FMNL2: variants seen among roughly 807,000 people sequenced by gnomAD.
The protein encoded by FMNL2 is formin-like protein 2.
Under a neutral mutation model 130.2 loss-of-function variants are expected in FMNL2, and 51 were observed. That is an observed-to-expected ratio of 0.39 (90% CI 0.31 to 0.49). FMNL2 has a LOEUF of 0.49. Ranked by LOEUF, FMNL2 falls within the 20% of genes least tolerant of loss-of-function variation. The pLI, the probability that FMNL2 is intolerant of heterozygous loss-of-function variation, is 0.85. For missense variants in FMNL2, 977 were observed against 1,316.2 expected (o/e 0.74, Z 3.99); for synonymous variants, 465 against 467.1 (o/e 1.00, Z 0.06).
chr2:152,392,119 T>C (rs1483887238), intron 1 of FMNL2, among the ~76,000 whole-genome samples: 1 of 152,130 alleles, frequency 6.6e-6, no homozygotes, highest in Non-Finnish European at 1.5e-5. Context: ...ATGGTAGCTA[T>C]TTGCCTAATA....
chr2:152,580,601 T>G lies in FMNL2; in HGVS notation c.783-355T>G, dbSNP rs925199902. Among the ~76,000 whole-genome samples, 4 of 152,364 alleles carry G rather than the reference T, an allele frequency of 2.6e-5. No homozygotes were observed. In the South Asian group the frequency reaches 8.3e-4, roughly 32 times the overall value. The stretch of plus-strand genomic sequence containing the variant: ...CAAATACTTAATCAATAGTTTGTTT[T>G]TCAGCATATTCCCATTCCCTTTGTT... On this transcript the variant is annotated intron_variant, in intron 8 of 25. Transcript: ENST00000288670.
At chr2:152,582,698 G>A (rs1250876624) in intron 9 of FMNL2, among the ~76,000 whole-genome samples, 3 of 152,104 alleles carry the variant, frequency 2.0e-5, no homozygotes, top group African/African-American at 4.8e-5. Flanking sequence ...TTATAAATAA[G>A]GAAGTATGTT....
At chr2:152,497,085 A>G (rs1040230809) in intron 1 of FMNL2, among the ~76,000 whole-genome samples, 1 of 152,184 alleles carries the variant, frequency 6.6e-6, no homozygotes, top group Non-Finnish European at 1.5e-5. Flanking sequence ...GTATATGTGT[A>G]TACATATACA....
At chr2:152,611,317 C>A (rs577059645) in intron 10 of FMNL2, among the ~76,000 whole-genome samples, 178 bp from the exon 11 acceptor site, 1 of 151,950 alleles carries the variant, frequency 6.6e-6, no homozygotes, top group East Asian at 1.9e-4. Flanking sequence ...CCAGTCTGGG[C>A]GACAGAGCAA....
chr2:152,595,789 A>G (rs997190833), intron 9 of FMNL2, among the ~76,000 whole-genome samples: 1 of 152,048 alleles, frequency 6.6e-6, no homozygotes. Context: ...TTGAAATCTA[A>G]CATTCACCTG....
chr2:152,490,837 G>A (rs768136814), intron 1 of FMNL2, among the ~76,000 whole-genome samples: 3 of 152,116 alleles, frequency 2.0e-5, no homozygotes, highest in Admixed American at 6.5e-5. Context: ...TTACAGATGG[G>A]TGGGGATGGA....
chr2:152,493,582 C>T (rs905067158), intron 1 of FMNL2, among the ~76,000 whole-genome samples: 4 of 152,126 alleles, frequency 2.6e-5, no homozygotes, highest in African/African-American at 4.8e-5. Context: ...AATGAGTCTT[C>T]CTGGTGTTAT....
At chr2:152,479,726 T>G (rs1192763457) in intron 1 of FMNL2, among the ~76,000 whole-genome samples, 1 of 148,732 alleles carries the variant, frequency 6.7e-6, no homozygotes, top group Non-Finnish European at 1.5e-5. Context: ...TTGTTTTTTT[T>G]TTTTTTTTTT....
At chr2:152,347,032 A>G (rs1250195297) in intron 1 of FMNL2, among the ~76,000 whole-genome samples, 1 of 151,982 alleles carries the variant, frequency 6.6e-6, no homozygotes, top group Non-Finnish European at 1.5e-5. Context: ...CGGAGGTTGC[A>G]GTGAGCCGAG....
intron 1 of FMNL2, among the ~76,000 whole-genome samples, chr2:152,376,118 T>C (rs187866623): frequency 6.0e-4 from 92 of 152,150 alleles, no homozygotes; most frequent in African/African-American, 2.1e-3. Context: ...GGCCTTGAAC[T>C]CCTGGCCTCA....
intron 1 of FMNL2, among the ~76,000 whole-genome samples, chr2:152,498,958 G>A (rs1691663793): frequency 6.6e-6 from 1 of 152,110 alleles, no homozygotes; most frequent in Non-Finnish European, 1.5e-5. Flanking sequence ...AAACATAAAG[G>A]GCCTATGTGG....
chr2:152,373,512 A>G lies in FMNL2; in HGVS notation c.117+37792A>G, dbSNP rs553415177. ...GTCTCAGGACCTCCTGTGGATACCA[A>G]AATCCATGGGTGTTCAAGTCTCTGA... On this transcript the variant is annotated intron_variant, in intron 1 of 25. Coordinates refer to ENST00000288670, the MANE Select transcript of FMNL2 (RefSeq NM_052905.4). Among the ~76,000 whole-genome samples the G allele has an allele frequency of 3.5e-4, 53 of 152,310 alleles. No homozygotes were observed. The South Asian group carries it at 0.011, about 32-fold the overall frequency.
intron 7 of FMNL2, among the ~76,000 whole-genome samples, chr2:152,577,682 T>A (rs1055914574): frequency 3.3e-5 from 5 of 152,212 alleles, no homozygotes; most frequent in South Asian, 2.1e-4. Flanking sequence ...TATTCAGCTC[T>A]GTTAGATGCT....
intron 9 of FMNL2, among the ~76,000 whole-genome samples, chr2:152,595,712 G>A (rs542781271): frequency 2.0e-5 from 3 of 152,154 alleles, no homozygotes; most frequent in African/African-American, 4.8e-5. Context: ...TTTGAGGAAT[G>A]TGTGTTCTAT....
intron 1 of FMNL2, among the ~76,000 whole-genome samples, chr2:152,446,204 A>G (rs1250897251): frequency 6.6e-6 from 1 of 152,216 alleles, no homozygotes; most frequent in Non-Finnish European, 1.5e-5. Context: ...GACTGTCCCT[A>G]AAATCATTTT....
intron 1 of FMNL2, among the ~76,000 whole-genome samples, chr2:152,497,489 T>C (rs1483717015): frequency 6.6e-6 from 1 of 152,200 alleles, no homozygotes; most frequent in Non-Finnish European, 1.5e-5. Flanking sequence ...TTGTCACAGT[T>C]CTAAGACTTA....
At chr2:152,428,941 CACTT>C (rs934893023) in intron 1 of FMNL2, among the ~76,000 whole-genome samples, 5 of 152,082 alleles carry the variant, frequency 3.3e-5, no homozygotes, top group Non-Finnish European at 7.4e-5. Flanking sequence ...TGCATGTTCT[CACTT>C]ACAAGTGGGA....
At chr2:152,559,193 T>C (rs886202252) in intron 5 of FMNL2, among the ~76,000 whole-genome samples, 2 of 152,224 alleles carry the variant, frequency 1.3e-5, no homozygotes, top group African/African-American at 4.8e-5. Flanking sequence ...AAATGATGTC[T>C]GCATGTATAT....
intron 25 of FMNL2, among the ~76,000 whole-genome samples, chr2:152,645,727 G>A (rs1580176902): frequency 6.9e-6 from 1 of 145,394 alleles, no homozygotes; most frequent in Non-Finnish European, 1.5e-5. Context: ...GCTTGGGCAA[G>A]GGTATTTGCT....
Sources: allele counts gnomAD v4.1 joint callset (sites outside exome capture counted in the v4.1 genomes callset), GRCh38; gene constraint gnomAD v4.1.1; transcripts MANE v1.5; gene names NCBI Gene and HGNC (gene_info 2026-07-23, HGNC 2026-07-21).